The following SMAD3 variants were observed in gnomAD, a reference collection of about 807,000 sequenced individuals.
The protein encoded by SMAD3 is MAD homolog 3.
SMAD3 carries 12 observed loss-of-function variants against 51.8 expected under a neutral mutation model. The observed-to-expected ratio is 0.23, with a 90% CI of 0.15 to 0.38. The LOEUF (loss-of-function observed/expected upper bound fraction) is 0.38, where lower values mean the gene tolerates loss of function less well. Ranked by LOEUF, SMAD3 falls within the 10% of genes least tolerant of loss-of-function variation. SMAD3 has a pLI of 1.00. For missense variants in SMAD3, 294 were observed against 565.6 expected (o/e 0.52, Z 4.87); for synonymous variants, 238 against 227.7 (o/e 1.05, Z -0.41).
intron 1 of SMAD3, among the ~76,000 whole-genome samples, chr15:67,136,189 A>G (rs1297790688): frequency 2.6e-5 from 4 of 152,252 alleles, no homozygotes; most frequent in Non-Finnish European, 5.9e-5. Flanking sequence ...TCTCAAAATT[A>G]TAAATTCATT....
At chr15:67,142,199 A>ACCCCCCCCC (rs549870512) in intron 1 of SMAD3, among the ~76,000 whole-genome samples, 7 of 127,950 alleles carry the variant, frequency 5.5e-5, no homozygotes, top group Admixed American at 8.4e-5. Context: ...TCCTCCCCAC[A>ACCCCCCCCC]CCCCCCCCAC....
intron 5 of SMAD3, among the ~76,000 whole-genome samples, chr15:67,176,551 C>T (rs752010189): frequency 9.9e-5 from 15 of 152,236 alleles, no homozygotes; most frequent in Non-Finnish European, 2.1e-4. Flanking sequence ...CCACCTCTTC[C>T]TTTACGGGAT....
At chr15:67,093,996 C>G (rs763420094) in intron 1 of SMAD3, among the ~76,000 whole-genome samples, 1 of 152,260 alleles carries the variant, frequency 6.6e-6, no homozygotes, top group Non-Finnish European at 1.5e-5. Flanking sequence ...GGCAAGGAAT[C>G]TGAACCCGGA....
intron 1 of SMAD3, among the ~76,000 whole-genome samples, chr15:67,085,887 CACACACACACACAT>C (rs67027849): frequency 0.44 from 62,349 of 143,086 alleles, 13,333 homozygotes; most frequent in South Asian, 0.6. Flanking sequence ...CACACACACA[CACACACACACACAT>C]ACACAGAGAA....
At chr15:67,117,671 C>A (rs1222418630) in intron 1 of SMAD3, among the ~76,000 whole-genome samples, 1 of 152,164 alleles carries the variant, frequency 6.6e-6, no homozygotes, top group African/African-American at 2.4e-5. Context: ...TTCAAACTTT[C>A]TTTATAGAGA....
intron 1 of SMAD3, among the ~76,000 whole-genome samples, chr15:67,121,113 C>A (rs1355148861): frequency 6.6e-6 from 1 of 152,326 alleles, no homozygotes; most frequent in Non-Finnish European, 1.5e-5. Flanking sequence ...TACTTCTTAG[C>A]CTTTGCAGAG....
rs3784686 is a variant in SMAD3 at position 67,189,801 on chromosome 15, G to A, written c.1155-612G>A. Among the ~76,000 whole-genome samples the A allele has an allele frequency of 4.8e-4, 73 of 152,214 alleles. No individual in the cohort carries two copies. The East Asian group carries it at 0.01, about 21-fold the overall frequency. On this transcript the variant is annotated intron_variant, in intron 8 of 8. Coordinates refer to ENST00000327367, the MANE Select transcript of SMAD3 (RefSeq NM_005902.4). ...ACAAAGTGCTTTGGGGAAAAGAAACGTGTGGTGTGCCTTGTTTTTTTCCAG... is the reference window on the plus strand; with the variant it reads ...ACAAAGTGCTTTGGGGAAAAGAAACATGTGGTGTGCCTTGTTTTTTTCCAG...
chr15:67,189,665 C>T (rs2028762), intron 8 of SMAD3, among the ~76,000 whole-genome samples: 38,370 of 152,074 alleles, frequency 0.25, 4,916 homozygotes, highest in South Asian at 0.37. Context: ...GGGCCCACAC[C>T]TCTCACCTCC....
Position 67,066,354 on chromosome 15 carries a change from T to G in SMAD3, c.200T>G (p.Ile67Ser). The change falls in exon 1 of 9, where the codon ATC becomes AGC. Residue 67 changes from isoleucine (I) to serine (S), a missense_variant. Coordinates refer to ENST00000327367, the MANE Select transcript of SMAD3 (RefSeq NM_005902.4). The part of the protein sequence containing the change: ...TQNVNTKCIT[I>S]PRSLDGRLQV... ...AACGTCAACACCAAGTGCATCACCA[T>G]CCCCAGGTGGGGGCCCGCCCGGGGG... The G allele has an allele frequency of 6.2e-7, 1 of 1,611,208 alleles. No individual in the cohort carries two copies. Among genetic ancestry groups the G allele is most frequent in the Non-Finnish European group, 8.5e-7 (1 of 1,178,960 alleles).
At chr15:67,151,761 G>T (rs1417169394) in intron 1 of SMAD3, among the ~76,000 whole-genome samples, 1 of 152,024 alleles carries the variant, frequency 6.6e-6, no homozygotes, top group African/African-American at 2.4e-5. Flanking sequence ...TGTCATTATG[G>T]TGATCACATC....
At chr15:67,090,913 C>T (rs1324950637) in intron 1 of SMAD3, among the ~76,000 whole-genome samples, 1 of 152,200 alleles carries the variant, frequency 6.6e-6, no homozygotes, top group Non-Finnish European at 1.5e-5. Flanking sequence ...CCCCTCCCTC[C>T]CTACTTGAAC....
intron 1 of SMAD3, 138 bp downstream of exon 1, chr15:67,066,498 A>G: frequency 1.4e-6 from 1 of 721,806 alleles, no homozygotes; most frequent in Non-Finnish European, 2.3e-6. Flanking sequence ...TGTGTGTGAG[A>G]GTGGGAGAGC....
intron 1 of SMAD3, among the ~76,000 whole-genome samples, chr15:67,161,225 A>C (rs1962422571): frequency 6.6e-6 from 1 of 152,206 alleles, no homozygotes. Context: ...TGTTGAAGCC[A>C]GTCGTCCATA....
chr15:67,089,601 C>T (rs1178826562), intron 1 of SMAD3, among the ~76,000 whole-genome samples: 1 of 152,202 alleles, frequency 6.6e-6, no homozygotes, highest in African/African-American at 2.4e-5. Context: ...AAAAAATGCC[C>T]ATGGGGAGTG....
intron 1 of SMAD3, among the ~76,000 whole-genome samples, chr15:67,083,811 G>A (rs190943595): frequency 6.6e-6 from 1 of 152,220 alleles, no homozygotes; most frequent in East Asian, 1.9e-4. Context: ...CATGATTACT[G>A]GAGCCCCCAG....
At chr15:67,089,802 A>G (rs80256914) in intron 1 of SMAD3, among the ~76,000 whole-genome samples, 7,980 of 152,298 alleles carry the variant, frequency 0.052, 232 homozygotes, top group East Asian at 0.088. Context: ...GCTAGTCTGG[A>G]TGAGCAGGCG....
At chr15:67,091,458 AC>A (rs1222819422) in intron 1 of SMAD3, among the ~76,000 whole-genome samples, 2 of 152,144 alleles carry the variant, frequency 1.3e-5, no homozygotes, top group East Asian at 3.9e-4. Flanking sequence ...CCCCCAGATA[AC>A]CACCCGGTAC....
chr15:67,170,789 C>T (rs1043279311), intron 5 of SMAD3, 185 bp downstream of exon 5: 1 of 586,414 alleles, frequency 1.7e-6, no homozygotes, highest in African/African-American at 1.9e-5. Flanking sequence ...AACTTGAGAA[C>T]AGTGGTGGCA....
chr15:67,097,213 G>T (rs1960633390), intron 1 of SMAD3, among the ~76,000 whole-genome samples: 5 of 151,658 alleles, frequency 3.3e-5, no homozygotes, highest in African/African-American at 9.7e-5. Context: ...TTTTTTGTTT[G>T]TTTGTTTTTT....
Sources: allele counts gnomAD v4.1 joint callset (sites outside exome capture counted in the v4.1 genomes callset), GRCh38; gene constraint gnomAD v4.1.1; transcripts MANE v1.5; gene names NCBI Gene and HGNC (gene_info 2026-07-23, HGNC 2026-07-21).